Variants in P2RY12 observed in about 807,000 individuals in gnomAD.
P2RY12 encodes purinergic receptor P2Y12.
A neutral mutation model predicts 4.5 loss-of-function variants in P2RY12; 3 were observed. The observed-to-expected ratio is 0.67, with a 90% CI of 0.31 to 1.74. The LOEUF is 1.74. Ranked by LOEUF, P2RY12 falls within the 40% of genes most tolerant of loss-of-function variation. The pLI is 0.09. For missense variants in P2RY12, 356 were observed against 407.8 expected (o/e 0.87, Z 1.09); for synonymous variants, 148 against 154.1 (o/e 0.96, Z 0.29).
chr3:151,360,335 A>G, intron 1 of P2RY12: 2 of 721,176 alleles, frequency 2.8e-6, no homozygotes, highest in South Asian at 2.1e-5. Context: ...TGAGTTATTT[A>G]CTATTCTATT....
intron 1 of P2RY12, among the ~76,000 whole-genome samples, chr3:151,353,475 A>C (rs924744694): frequency 2.0e-5 from 3 of 152,206 alleles, no homozygotes; most frequent in African/African-American, 7.2e-5. Context: ...GTTACTGGCC[A>C]AAAGTGGCAC....
At chr3:151,367,857 G>A (rs2107945604) in intron 1 of P2RY12, 2 of 1,425,946 alleles carry the variant, frequency 1.4e-6, no homozygotes, top group East Asian at 4.6e-5. Flanking sequence ...AGGAGTATTT[G>A]AGGGTATGTA....
chr3:151,361,097 A>C (rs1754552328), intron 1 of P2RY12, among the ~76,000 whole-genome samples: 1 of 152,020 alleles, frequency 6.6e-6, no homozygotes, highest in Non-Finnish European at 1.5e-5. Context: ...TTCTGAGCTG[A>C]CTTTTTGCAT....
At chr3:151,360,087 G>A (rs571365357) in intron 1 of P2RY12, among the ~76,000 whole-genome samples, 1 of 152,218 alleles carries the variant, frequency 6.6e-6, no homozygotes, top group South Asian at 2.1e-4. Context: ...CTTTACAAAG[G>A]AGAAAACTTG....
intron 1 of P2RY12, chr3:151,357,426 C>A: frequency 1.4e-6 from 2 of 1,476,052 alleles, no homozygotes; most frequent in Non-Finnish European, 1.8e-6. Flanking sequence ...GAATGTATAA[C>A]TAGTGATGAA....
chr3:151,378,252 T>C lies in P2RY12; in HGVS notation c.-180+6440A>G, dbSNP rs1177387849. 5 of 1,356,180 alleles carry C rather than the reference T, an allele frequency of 3.7e-6. No homozygotes were observed. The Admixed American group carries it at 7.9e-5, about 21-fold the overall frequency. The allele number at this position is 1,356,180 out of a possible 1,614,324, so 84.0% of individuals were successfully genotyped here. A position where few individuals can be genotyped will look rare whatever the true frequency, so the allele number is the denominator to read the frequency against. Reference sequence around the variant, plus strand: ...TCTCACTTCCTGTAAACCTGTGTGGTCACTGTACCCACAGTCCACTGAAAT... The same window carrying C: ...TCTCACTTCCTGTAAACCTGTGTGGCCACTGTACCCACAGTCCACTGAAAT... On this transcript the variant is annotated intron_variant, in intron 1 of 2. Coordinates refer to ENST00000302632, the MANE Select transcript of P2RY12 (RefSeq NM_022788.5).
At chr3:151,355,832 T>C in intron 1 of P2RY12, 1 of 1,419,790 alleles carries the variant, frequency 7.0e-7, no homozygotes, top group Non-Finnish European at 9.5e-7. Flanking sequence ...GTAAAAATGA[T>C]TTATCTTAGT....
chr3:151,350,216 C>A, intron 1 of P2RY12: 1 of 1,611,984 alleles, frequency 6.2e-7, no homozygotes, highest in Non-Finnish European at 8.5e-7. Flanking sequence ...GGTAAAGAAC[C>A]TTAATGCATT....
chr3:151,378,187 A>G, intron 1 of P2RY12: 1 of 1,590,662 alleles, frequency 6.3e-7, no homozygotes, highest in Non-Finnish European at 8.6e-7. Context: ...TGGCTGGAAG[A>G]TGGGCGTCTG....
At chr3:151,379,971 T>C in intron 1 of P2RY12, 1 of 540,590 alleles carries the variant, frequency 1.8e-6, no homozygotes, top group Non-Finnish European at 3.2e-6. Flanking sequence ...TAAGTAGAGG[T>C]ATGATTTAAA....
intron 1 of P2RY12, among the ~76,000 whole-genome samples, chr3:151,366,711 G>C (rs1755328245): frequency 6.6e-6 from 1 of 152,032 alleles, no homozygotes; most frequent in Non-Finnish European, 1.5e-5. Context: ...TCTGAATTCT[G>C]CTAATCAGGA....
chr3:151,372,983 A>G (rs1232649081), intron 1 of P2RY12, among the ~76,000 whole-genome samples: 4 of 152,154 alleles, frequency 2.6e-5, no homozygotes, highest in Admixed American at 2.6e-4. Context: ...ATTTTGCTAC[A>G]TGTGCTTTGT....
intron 1 of P2RY12, chr3:151,377,016 A>G (rs1047344041): frequency 1.2e-6 from 2 of 1,613,856 alleles, no homozygotes; most frequent in Non-Finnish European, 1.7e-6. Context: ...GCCGAAATGA[A>G]CAACTTACTG....
rs547047670 is a variant in P2RY12 at position 151,376,470 on chromosome 3, G to A, written c.-180+8222C>T. Among the ~76,000 whole-genome samples the A allele has an allele frequency of 2.6e-5, 4 of 152,242 alleles. No homozygotes were observed. In the South Asian group the frequency reaches 8.3e-4, roughly 32 times the overall value. On this transcript the variant is annotated intron_variant, in intron 1 of 2. Transcript: ENST00000302632. ...CATGAGAAATATGCTTCAGAGAGGG[G>A]CTATGTTAAATATATTATTAAAGAA...
chr3:151,370,666 G>A (rs1756063362), intron 1 of P2RY12, among the ~76,000 whole-genome samples: 1 of 152,210 alleles, frequency 6.6e-6, no homozygotes, highest in Non-Finnish European at 1.5e-5. Flanking sequence ...GGGAAGGTCA[G>A]TTGGTCGGTT....
intron 1 of P2RY12, among the ~76,000 whole-genome samples, chr3:151,356,514 TAAAC>T (rs951383715): frequency 1.3e-5 from 2 of 152,214 alleles, no homozygotes; most frequent in African/African-American, 2.4e-5. Flanking sequence ...TTAACAGTCT[TAAAC>T]TAACATTTTA....
At chr3:151,367,586 A>G (rs1303454548) in intron 1 of P2RY12, 1 of 1,483,710 alleles carries the variant, frequency 6.7e-7, no homozygotes, top group Non-Finnish European at 9.1e-7. Context: ...TTAGTTATTA[A>G]TCTTAGATAC....
chr3:151,382,675 A>G (rs1177939769), intron 1 of P2RY12: 1 of 1,610,772 alleles, frequency 6.2e-7, no homozygotes, highest in South Asian at 1.1e-5. Flanking sequence ...AACTGGAGAG[A>G]AGAACGATAC....
At chr3:151,340,049 G>T (rs1751610994) in intron 2 of P2RY12, among the ~76,000 whole-genome samples, 1 of 152,040 alleles carries the variant, frequency 6.6e-6, no homozygotes, top group Non-Finnish European at 1.5e-5. Flanking sequence ...CCTTAATTAT[G>T]GAAGGAAAAC....
Sources: allele counts gnomAD v4.1 joint callset (sites outside exome capture counted in the v4.1 genomes callset), GRCh38; gene constraint gnomAD v4.1.1; transcripts MANE v1.5; gene names NCBI Gene and HGNC (gene_info 2026-07-23, HGNC 2026-07-21).